GHR: variants seen among roughly 807,000 people sequenced by gnomAD.
GHR encodes GH receptor.
A neutral mutation model predicts 67.1 loss-of-function variants in GHR; 35 were observed. The ratio of observed to expected loss-of-function variants is 0.52; its 90% CI spans 0.40 to 0.69. GHR has a LOEUF of 0.69. Ranked by LOEUF, GHR falls within the 30% of genes least tolerant of loss-of-function variation. The pLI, the probability that GHR is intolerant of heterozygous loss-of-function variation, is 0.00. For missense variants in GHR, 792 were observed against 764.6 expected (o/e 1.04, Z -0.42); for synonymous variants, 272 against 269.1 (o/e 1.01, Z -0.10).
At chr5:42,677,112 T>C (rs1027609296) in intron 3 of GHR, among the ~76,000 whole-genome samples, 2 of 152,146 alleles carry the variant, frequency 1.3e-5, no homozygotes, top group African/African-American at 4.8e-5. Context: ...ACTCAGCCCA[T>C]TCCATTCCGG....
At chr5:42,599,685 A>G (rs933362999) in intron 2 of GHR, among the ~76,000 whole-genome samples, 2 of 152,146 alleles carry the variant, frequency 1.3e-5, no homozygotes, top group Non-Finnish European at 2.9e-5. Flanking sequence ...TTGTAAGCAG[A>G]TGAATTGGTT....
At chr5:42,427,879 G>A (rs913190289) in intron 1 of GHR, among the ~76,000 whole-genome samples, 5 of 152,200 alleles carry the variant, frequency 3.3e-5, no homozygotes, top group African/African-American at 7.2e-5. Flanking sequence ...TTAAAGTTCT[G>A]AAATGAACTC....
chr5:42,473,813 G>A (rs372353678), intron 1 of GHR, among the ~76,000 whole-genome samples: 1 of 150,884 alleles, frequency 6.6e-6, no homozygotes, highest in African/African-American at 2.4e-5. Context: ...GGATGCAGAG[G>A]TTGCAATGAG....
intron 1 of GHR, among the ~76,000 whole-genome samples, chr5:42,485,786 A>G (rs1313345958): frequency 1.3e-5 from 2 of 152,242 alleles, no homozygotes; most frequent in South Asian, 4.1e-4. Context: ...ATTAGAAGCC[A>G]GCTCACAAGA....
At chr5:42,528,831 A>G (rs1747821603) in intron 1 of GHR, among the ~76,000 whole-genome samples, 1 of 152,202 alleles carries the variant, frequency 6.6e-6, no homozygotes, top group Non-Finnish European at 1.5e-5. Flanking sequence ...ATGATCACTC[A>G]GAAGGTGTCA....
At chr5:42,477,629 G>C (rs550919110) in intron 1 of GHR, among the ~76,000 whole-genome samples, 25 of 152,264 alleles carry the variant, frequency 1.6e-4, no homozygotes, top group African/African-American at 5.5e-4. Flanking sequence ...TTCTCTGATG[G>C]CCAGTGATGA....
intron 6 of GHR, among the ~76,000 whole-genome samples, chr5:42,707,157 G>T (rs1055521429): frequency 1.3e-5 from 2 of 151,708 alleles, no homozygotes; most frequent in Non-Finnish European, 1.5e-5. Context: ...AATAGGCTAT[G>T]TTAACCTGAT....
rs574039115 is a variant in GHR, at chr5:42,488,977, G to A, written c.-12+65022G>A. On this transcript the variant is annotated intron_variant, in intron 1 of 9. Coordinates refer to ENST00000230882, the MANE Select transcript of GHR (RefSeq NM_000163.5). ...GAGTCTAACCAACACCAATCTACAC[G>A]TCTGTCAACACAGTTAACTATCCCA... is the stretch of plus-strand genomic sequence containing the variant. 9.9e-5 allele frequency among the ~76,000 whole-genome samples: 15 copies of A among 152,280 alleles called. No individual in the cohort carries two copies. In the East Asian group the frequency reaches 1.7e-3, roughly 18 times the overall value.
At chr5:42,544,908 A>G (rs1748671506) in intron 1 of GHR, among the ~76,000 whole-genome samples, 1 of 152,110 alleles carries the variant, frequency 6.6e-6, no homozygotes. Flanking sequence ...GATATTCACA[A>G]TTTTTTACTT....
intron 4 of GHR, among the ~76,000 whole-genome samples, chr5:42,693,454 T>A (rs1663174942): frequency 6.6e-6 from 1 of 152,060 alleles, no homozygotes; most frequent in South Asian, 2.1e-4. Flanking sequence ...ATGCAACTTT[T>A]AAGAGTCTCA....
intron 3 of GHR, among the ~76,000 whole-genome samples, chr5:42,640,388 G>A (rs1754406419): frequency 1.3e-5 from 2 of 152,092 alleles, no homozygotes; most frequent in Admixed American, 1.3e-4. Context: ...ACATAGAAAA[G>A]TTCCTAGCAC....
chr5:42,467,998 T>C, intron 1 of GHR: 1 of 743,552 alleles, frequency 1.3e-6, no homozygotes, highest in Non-Finnish European at 2.3e-6. Context: ...TGTTTTCTTT[T>C]TCACAAGCCT....
chr5:42,525,972 C>A (rs1579870458), intron 1 of GHR, among the ~76,000 whole-genome samples: 2 of 152,110 alleles, frequency 1.3e-5, no homozygotes, highest in Non-Finnish European at 2.9e-5. Flanking sequence ...TCTTTATCAG[C>A]AGCATGAAAA....
intron 3 of GHR, among the ~76,000 whole-genome samples, chr5:42,680,847 A>T (rs1243842637): frequency 2.0e-5 from 1 of 49,914 alleles, no homozygotes; most frequent in Non-Finnish European, 4.2e-5. Flanking sequence ...TCTTTCTATT[A>T]TTATTATTTT....
chr5:42,455,531 A>T (rs1382266974), intron 1 of GHR, among the ~76,000 whole-genome samples: 1 of 152,184 alleles, frequency 6.6e-6, no homozygotes, highest in Non-Finnish European at 1.5e-5. Flanking sequence ...TTGAACTTTC[A>T]TGGAAATTTA....
intron 2 of GHR, among the ~76,000 whole-genome samples, chr5:42,594,708 CT>C (rs1021324109): frequency 3.3e-5 from 5 of 151,670 alleles, no homozygotes; most frequent in African/African-American, 1.2e-4. Flanking sequence ...CAGACTTTTT[CT>C]TTTTTTTGTC....
At chr5:42,502,133 C>A (rs1180873228) in intron 1 of GHR, among the ~76,000 whole-genome samples, 1 of 152,104 alleles carries the variant, frequency 6.6e-6, no homozygotes, top group Non-Finnish European at 1.5e-5. Flanking sequence ...TTCATGTCCA[C>A]TTTTCTTGTT....
chr5:42,672,519 AG>A (rs1466788416), intron 3 of GHR, among the ~76,000 whole-genome samples: 1 of 152,190 alleles, frequency 6.6e-6, no homozygotes, highest in Non-Finnish European at 1.5e-5. Flanking sequence ...CAATGGGGAA[AG>A]GACTCTCTAG....
At chr5:42,451,122 T>C (rs1386842156) in intron 1 of GHR, among the ~76,000 whole-genome samples, 17 of 152,200 alleles carry the variant, frequency 1.1e-4, no homozygotes, top group Non-Finnish European at 1.5e-5. Flanking sequence ...GGTAGACTGT[T>C]CTGTAAGTAC....
Sources: gnomAD v4.1 joint callset for allele counts (sites outside exome capture counted in the v4.1 genomes callset) on GRCh38, gnomAD v4.1.1 for gene constraint, MANE v1.5 for transcripts, NCBI Gene and HGNC (gene_info 2026-07-23, HGNC 2026-07-21) for gene names.